DLGAP3: variants seen among roughly 807,000 people sequenced by gnomAD.
DLGAP3 encodes disks large-associated protein 3.
Under a neutral mutation model 81.2 loss-of-function variants are expected in DLGAP3, and 17 were observed. The observed-to-expected ratio is 0.21, with a 90% CI of 0.14 to 0.31. DLGAP3 has a LOEUF of 0.31. Among genes scored for constraint, DLGAP3 ranks in the 10% least tolerant of loss-of-function variants. DLGAP3 has a pLI of 1.00. For missense variants in DLGAP3, 1,124 were observed against 1,388.0 expected (o/e 0.81, Z 3.02); for synonymous variants, 577 against 587.4 (o/e 0.98, Z 0.26).
intron 1 of DLGAP3, among the ~76,000 whole-genome samples, chr1:34,910,488 C>A (rs541312648): frequency 6.6e-6 from 1 of 152,342 alleles, no homozygotes; most frequent in East Asian, 1.9e-4. Flanking sequence ...TCCAACAAGG[C>A]CTGCAGGGTC....
In DLGAP3 at chr1:34,929,160, G is replaced by C. The variant is rs945340288; in HGVS notation, c.-135+291C>G. 2.6e-5 allele frequency among the ~76,000 whole-genome samples: 4 copies of C among 151,960 alleles called. No individual in the cohort carries two copies. The highest frequency in any genetic ancestry group is 4.4e-5 in the Non-Finnish European group (3 of 67,872). On this transcript the variant is annotated intron_variant, in intron 1 of 11. Transcript: ENST00000373347. This position sits in a 1 kb window ranked among gnomAD's most constrained non-coding sequence, Gnocchi z 6.5. ...CCCTCCCAGACCCGAGCCTCCAGCCGGGCGAGGGCTGGGCCGGGGCTGGCC... is the reference window on the plus strand; with the variant it reads ...CCCTCCCAGACCCGAGCCTCCAGCCCGGCGAGGGCTGGGCCGGGGCTGGCC...
chr1:34,920,100 T>C (rs1219186327), intron 1 of DLGAP3, among the ~76,000 whole-genome samples: 1 of 152,134 alleles, frequency 6.6e-6, no homozygotes, highest in Non-Finnish European at 1.5e-5. Context: ...GCCTGAGCTC[T>C]CCATCTCTGA....
Position 34,868,588 on chromosome 1 carries a change from C to A in DLGAP3, c.2485+17G>T. On this transcript the variant is annotated intron_variant, in intron 9 of 11. Transcript: ENST00000373347. The surrounding 1 kb of genome is among the most constrained non-coding windows in gnomAD (Gnocchi z 7.5). ...CCATGGTCCCCAGAGTCCCCTTGTTCCGATGCCGTGACTCACTCTCCTCGG... is the reference window on the plus strand; with the variant it reads ...CCATGGTCCCCAGAGTCCCCTTGTTACGATGCCGTGACTCACTCTCCTCGG... 6.2e-7 allele frequency: 1 copy of A among 1,605,566 alleles called. No homozygotes were observed. Among genetic ancestry groups the A allele is most frequent in the South Asian group, 1.1e-5 (1 of 90,900 alleles).
intron 5 of DLGAP3, among the ~76,000 whole-genome samples, chr1:34,893,665 G>C (rs1569628807): frequency 1.3e-5 from 2 of 151,660 alleles, no homozygotes; most frequent in African/African-American, 4.8e-5. Flanking sequence ...AGTTATATTA[G>C]AGCAATGCTC....
intron 8 of DLGAP3, among the ~76,000 whole-genome samples, chr1:34,871,770 G>C (rs533379192): frequency 1.1e-4 from 16 of 152,262 alleles, no homozygotes; most frequent in African/African-American, 3.9e-4. Flanking sequence ...GAGATGTCTT[G>C]AGAGGATCCC....
chr1:34,893,178 C>CAAAAAA (rs58802413), intron 5 of DLGAP3, among the ~76,000 whole-genome samples: 8 of 84,804 alleles, frequency 9.4e-5, no homozygotes, highest in Admixed American at 2.7e-4. Context: ...GACTCCGTCT[C>CAAAAAA]AAAAAAAAAA....
Position 34,866,000 on chromosome 1 carries a change from C to T in DLGAP3, c.*83G>A. 1 of 1,249,062 alleles carries T rather than the reference C, an allele frequency of 8.0e-7. No homozygotes were observed. The allele number at this position is 1,249,062 out of a possible 1,614,324, so 77.4% of individuals were successfully genotyped here. A position where few individuals can be genotyped will look rare whatever the true frequency, so the allele number is the denominator to read the frequency against. ...GGTGGGGCGGGCGCACGGGGCGGCC[C>T]GCGTTCACAGTGACCTCGACGCTGG... is the stretch of plus-strand genomic sequence containing the variant. On this transcript the variant is annotated 3_prime_UTR_variant, in exon 12 of 12. Transcript: ENST00000373347.
chr1:34,914,478 C>T (rs1442043767), intron 1 of DLGAP3, among the ~76,000 whole-genome samples: 1 of 152,194 alleles, frequency 6.6e-6, no homozygotes, highest in Non-Finnish European at 1.5e-5. Flanking sequence ...TCCTCTAGGA[C>T]CCTCGTTAGG....
intron 8 of DLGAP3, among the ~76,000 whole-genome samples, chr1:34,879,418 A>G (rs1282111121): frequency 6.6e-6 from 1 of 152,196 alleles, no homozygotes; most frequent in Non-Finnish European, 1.5e-5. Context: ...CAGATCTGAC[A>G]GCAGGCGGAG....
At chr1:34,905,824 C>A (rs1261574489) in intron 2 of DLGAP3, among the ~76,000 whole-genome samples, 1 of 151,636 alleles carries the variant, frequency 6.6e-6, no homozygotes, top group Non-Finnish European at 1.5e-5. Context: ...GGCAACCAAG[C>A]AAGACCCTGT....
At position 34,900,965 on chromosome 1, in the gene DLGAP3, A is replaced by G. The variant is rs1196290976; in HGVS notation, c.1108-692T>C. 6.6e-6 allele frequency among the ~76,000 whole-genome samples: 1 copy of G among 151,692 alleles called. No homozygotes were observed. Among genetic ancestry groups the G allele is most frequent in the East Asian group, 1.9e-4 (1 of 5,170 alleles). Reference sequence around the variant, plus strand: ...TAGACGTGGGGGATGAGGGGGCGGGAGGAGTCGAGGATGACTGCCAGGCTG... The same window carrying G: ...TAGACGTGGGGGATGAGGGGGCGGGGGGAGTCGAGGATGACTGCCAGGCTG... On this transcript the variant is annotated intron_variant, in intron 3 of 11. Coordinates refer to ENST00000373347, the MANE Select transcript of DLGAP3 (RefSeq NM_001080418.3). This position sits in a 1 kb window ranked among gnomAD's most constrained non-coding sequence, Gnocchi z 5.6.
rs1183604812 is a variant in DLGAP3 at position 34,865,937 on chromosome 1, A to G, written c.*146T>C. On this transcript the variant is annotated 3_prime_UTR_variant, in exon 12 of 12. Transcript: ENST00000373347. ...GGATCAGGAAGGTAAAAAACCCACGAGAGTGTGACGGGCCCGGGGGCCGGG... is the reference window on the plus strand; with the variant it reads ...GGATCAGGAAGGTAAAAAACCCACGGGAGTGTGACGGGCCCGGGGGCCGGG... 2.7e-6 allele frequency: 2 copies of G among 751,126 alleles called. No homozygotes were observed. The highest frequency in any genetic ancestry group is 4.7e-5 in the Admixed American group (2 of 42,734). The allele number at this position is 751,126 out of a possible 1,614,324, so 46.5% of individuals were successfully genotyped here.
intron 1 of DLGAP3, among the ~76,000 whole-genome samples, chr1:34,928,731 GCACACA>G (rs147710532): frequency 2.0e-5 from 3 of 148,912 alleles, no homozygotes; most frequent in East Asian, 2.0e-4. Flanking sequence ...GCGCGCACAC[GCACACA>G]CACACACACA....
intron 1 of DLGAP3, among the ~76,000 whole-genome samples, chr1:34,911,022 ACC>A (rs58074971): frequency 4.1e-4 from 54 of 132,016 alleles, no homozygotes; most frequent in Middle Eastern, 4.1e-3. Context: ...GATATTATCC[ACC>A]CCCCCCCCAC....
chr1:34,911,932 G>A (rs889350504), intron 1 of DLGAP3, among the ~76,000 whole-genome samples: 1 of 152,158 alleles, frequency 6.6e-6, no homozygotes, highest in Non-Finnish European at 1.5e-5. Context: ...TGAGACCTAG[G>A]CAAGTCACAA....
At chr1:34,896,304 C>T (rs553276417) in intron 5 of DLGAP3, among the ~76,000 whole-genome samples, 22 of 152,186 alleles carry the variant, frequency 1.4e-4, no homozygotes, top group African/African-American at 4.1e-4. Flanking sequence ...ATCAGAATGT[C>T]GGCCAGGTGT....
intron 1 of DLGAP3, among the ~76,000 whole-genome samples, chr1:34,925,183 AC>A (rs59300706): frequency 0.22 from 30,948 of 138,672 alleles, 6,570 homozygotes; most frequent in African/African-American, 0.57. Context: ...GCACCTGACA[AC>A]CCCCCCCCCA....
At chr1:34,916,337 A>G (rs1038398811) in intron 1 of DLGAP3, among the ~76,000 whole-genome samples, 3 of 152,222 alleles carry the variant, frequency 2.0e-5, no homozygotes, top group African/African-American at 7.2e-5. Flanking sequence ...TCAAGCACTG[A>G]ATACATTGAA....
rs182530336 is a variant in DLGAP3 at position 34,902,882 on chromosome 1, C to A, written c.1107+1395G>T. Among the ~76,000 whole-genome samples the A allele has an allele frequency of 1.3e-5, 2 of 152,096 alleles. No homozygotes were observed. Among genetic ancestry groups the A allele is most frequent in the Non-Finnish European group, 2.9e-5 (2 of 68,002 alleles). On this transcript the variant is annotated intron_variant, in intron 3 of 11. Transcript: ENST00000373347. The surrounding 1 kb of genome is among the most constrained non-coding windows in gnomAD (Gnocchi z 4.4). Reference sequence around the variant, plus strand: ...CAAGTCTTCAGGGATGGCAAGGAATCGGCTATGGGGGAGAAAGGATGGGTG... The same window carrying A: ...CAAGTCTTCAGGGATGGCAAGGAATAGGCTATGGGGGAGAAAGGATGGGTG...
Sources: allele counts gnomAD v4.1 joint callset (sites outside exome capture counted in the v4.1 genomes callset), GRCh38; gene constraint gnomAD v4.1.1; non-coding constraint Gnocchi (gnomAD v3.1); transcripts MANE v1.5; gene names NCBI Gene and HGNC (gene_info 2026-07-23, HGNC 2026-07-21).